The following PITPNM3 variants were observed in gnomAD, a reference collection of about 807,000 sequenced individuals.
The protein encoded by PITPNM3 is PITPNM family member 3.
A neutral mutation model predicts 102.0 loss-of-function variants in PITPNM3; 26 were observed. The observed-to-expected ratio is 0.25, with a 90% CI of 0.19 to 0.35. PITPNM3 has a LOEUF of 0.35. PITPNM3 is among the 10% of genes least tolerant of loss of function. PITPNM3 has a pLI of 1.00. For synonymous variants in PITPNM3, 578 were observed against 558.6 expected (o/e 1.03, Z -0.49); for missense variants, 1,083 against 1,346.1 (o/e 0.80, Z 3.06).
chr17:6,461,672 G>A (rs923859701), intron 17 of PITPNM3, 116 bp from the exon 18 acceptor site: 53 of 1,218,508 alleles, frequency 4.3e-5, no homozygotes, highest in Middle Eastern at 2.6e-4. Flanking sequence ...AGTCTGAGGC[G>A]TGCTAGGGAG....
intron 3 of PITPNM3, among the ~76,000 whole-genome samples, chr17:6,518,591 G>A (rs1034812131): frequency 2.0e-5 from 3 of 152,064 alleles, no homozygotes; most frequent in Admixed American, 6.5e-5. Context: ...GAAGTAGAAG[G>A]AAATAATTAA....
At chr17:6,463,478 T>TGAGG (rs373343384) in intron 17 of PITPNM3, among the ~76,000 whole-genome samples, 91 of 64,966 alleles carry the variant, frequency 1.4e-3, no homozygotes, top group African/African-American at 5.0e-3. Flanking sequence ...AGGAAGGAAT[T>TGAGG]GAGGGAGGGA....
At chr17:6,524,058 G>A (rs1409475914) in intron 3 of PITPNM3, among the ~76,000 whole-genome samples, 2 of 152,244 alleles carry the variant, frequency 1.3e-5, no homozygotes, top group Non-Finnish European at 2.9e-5. Flanking sequence ...ACCACACCAG[G>A]CCTGCCCATT....
At chr17:6,522,283 T>TGCGC (rs201711881) in intron 3 of PITPNM3, among the ~76,000 whole-genome samples, 280 of 81,462 alleles carry the variant, frequency 3.4e-3, no homozygotes, top group African/African-American at 0.017. Context: ...ATATTTAGTG[T>TGCGC]GCGCACACAC....
Position 6,472,855 on chromosome 17 carries a change from G to A in PITPNM3, c.1259-28C>T, listed in dbSNP as rs371330870. On this transcript the variant is annotated intron_variant, in intron 10 of 19. Coordinates refer to ENST00000262483, the MANE Select transcript of PITPNM3 (RefSeq NM_031220.4). The surrounding 1 kb of genome is among the most constrained non-coding windows in gnomAD (Gnocchi z 4.1). ...GGGGTGAGTGGGAAGACAGAGGGAA[G>A]CCACTTTCTAGTACCTGCTCCCTGG... is the stretch of plus-strand genomic sequence containing the variant. The A allele has an allele frequency of 1.1e-4, 178 of 1,612,738 alleles. No homozygotes were observed. Among genetic ancestry groups the A allele is most frequent in the Non-Finnish European group, 1.4e-4 (170 of 1,179,426 alleles).
chr17:6,463,059 C>G lies in PITPNM3; in HGVS notation c.2306+673G>C, dbSNP rs537655318. 8.4e-4 allele frequency among the ~76,000 whole-genome samples: 128 copies of G among 152,214 alleles called. 1 individual carries two copies. The highest frequency in any genetic ancestry group is 1.6e-3 in the Non-Finnish European group (110 of 68,000). On this transcript the variant is annotated intron_variant, in intron 17 of 19. Coordinates refer to ENST00000262483, the MANE Select transcript of PITPNM3 (RefSeq NM_031220.4). ...AGCTCTACAAGGGGGAGGCTGGCCC[C>G]CTGAAATGGGCTTCAGCCTGTCTAG...
chr17:6,487,357 A>G (rs1255488475), intron 4 of PITPNM3, among the ~76,000 whole-genome samples: 1 of 152,186 alleles, frequency 6.6e-6, no homozygotes, highest in Non-Finnish European at 1.5e-5. Context: ...TGTGGAACAC[A>G]GGAAGTGTCA....
chr17:6,515,266 C>T (rs952358488), intron 3 of PITPNM3, among the ~76,000 whole-genome samples: 3 of 151,712 alleles, frequency 2.0e-5, no homozygotes, highest in Non-Finnish European at 4.4e-5. Context: ...GACCTGGTGG[C>T]GGGCACCTGT....
intron 1 of PITPNM3, among the ~76,000 whole-genome samples, chr17:6,545,169 C>T (rs372484508): frequency 2.6e-5 from 4 of 152,278 alleles, no homozygotes; most frequent in South Asian, 4.1e-4. Context: ...CTCTGTAAAA[C>T]GGGGAGGATA....
intron 1 of PITPNM3, among the ~76,000 whole-genome samples, chr17:6,541,861 T>C (rs1395222350): frequency 6.6e-6 from 1 of 152,182 alleles, no homozygotes; most frequent in Admixed American, 6.5e-5. Flanking sequence ...AGTAAATGAA[T>C]AAAAATGATT....
At chr17:6,530,180 T>A (rs1909067850) in intron 2 of PITPNM3, among the ~76,000 whole-genome samples, 1 of 152,198 alleles carries the variant, frequency 6.6e-6, no homozygotes, top group Non-Finnish European at 1.5e-5. Context: ...TGGTCCTCTA[T>A]GCCCAGAGGA....
intron 12 of PITPNM3, 115 bp downstream of exon 12, chr17:6,471,046 C>T: frequency 7.9e-7 from 1 of 1,272,802 alleles, no homozygotes; most frequent in Admixed American, 2.0e-5. Context: ...ACTTCCTTCA[C>T]CTTCTCCCTA....
At chr17:6,554,478 C>CT (rs1218773277) in intron 1 of PITPNM3, among the ~76,000 whole-genome samples, 1 of 152,130 alleles carries the variant, frequency 6.6e-6, no homozygotes. Context: ...CACGGGGAAT[C>CT]TGTGTTGCCT....
chr17:6,549,098 C>T (rs1225797594), intron 1 of PITPNM3, among the ~76,000 whole-genome samples: 2 of 152,078 alleles, frequency 1.3e-5, no homozygotes, highest in African/African-American at 4.8e-5. Context: ...TCCAAGCTGT[C>T]CTGCTCACCA....
At position 6,468,486 on chromosome 17, in the gene PITPNM3, G is replaced by A. The variant is rs1365293568; in HGVS notation, c.1774-145C>T. ...CACAGCCTGGAACCGTCAGGAGGCC[G>A]CAGACCCCGGGACCTGCATTCCTGT... On this transcript the variant is annotated intron_variant, in intron 13 of 19. Coordinates refer to ENST00000262483, the MANE Select transcript of PITPNM3 (RefSeq NM_031220.4). This position sits in a 1 kb window ranked among gnomAD's most constrained non-coding sequence, Gnocchi z 5.2. The A allele has an allele frequency of 1.0e-5, 8 of 799,352 alleles. No homozygotes were observed. Among genetic ancestry groups the A allele is most frequent in the South Asian group, 2.8e-5 (2 of 71,264 alleles). The allele number at this position is 799,352 out of a possible 1,614,324, so 49.5% of individuals were successfully genotyped here.
At chr17:6,464,366 C>A in intron 15 of PITPNM3, 48 bp from the exon 16 acceptor site, 1 of 1,602,304 alleles carries the variant, frequency 6.2e-7, no homozygotes, top group Non-Finnish European at 8.5e-7. Flanking sequence ...TGAGGGGCTA[C>A]AGGCTTGGCA....
At chr17:6,530,497 C>T (rs1327570149) in intron 2 of PITPNM3, among the ~76,000 whole-genome samples, 1 of 152,188 alleles carries the variant, frequency 6.6e-6, no homozygotes, top group East Asian at 1.9e-4. Flanking sequence ...AGGGGAGGAC[C>T]AGCCAGGCTG....
intron 1 of PITPNM3, among the ~76,000 whole-genome samples, chr17:6,551,033 C>A (rs777969610): frequency 6.6e-6 from 1 of 152,202 alleles, no homozygotes; most frequent in African/African-American, 2.4e-5. Flanking sequence ...CAAGTTCCAG[C>A]ACACCCCAGA....
Position 6,470,332 on chromosome 17 carries a change from G to A in PITPNM3, c.1701C>T (p.Thr567=), listed in dbSNP as rs773390756. The A allele has an allele frequency of 5.1e-5, 82 of 1,614,000 alleles. No homozygotes were observed. The East Asian group carries it at 1.5e-3, about 29-fold the overall frequency. ...CGTGGAAGAGGTGGGGCAGGGCCAC[G>A]GTGGGGAAGGCCGTGAGGACATCAG... The part of the protein sequence containing the change: ...YCPDVLTAFP[T]VALPHLFHAS... The change falls in exon 13 of 20, where the codon ACC becomes ACT. Residue 567 remains threonine, a synonymous_variant. Coordinates refer to ENST00000262483, the MANE Select transcript of PITPNM3 (RefSeq NM_031220.4). The surrounding 1 kb of genome is among the most constrained non-coding windows in gnomAD (Gnocchi z 4.8).
Sources: allele counts gnomAD v4.1 joint callset (sites outside exome capture counted in the v4.1 genomes callset), GRCh38; gene constraint gnomAD v4.1.1; non-coding constraint Gnocchi (gnomAD v3.1); transcripts MANE v1.5; gene names NCBI Gene and HGNC (gene_info 2026-07-23, HGNC 2026-07-21).